The following TENM3 variants were observed in gnomAD, a reference collection of about 807,000 sequenced individuals.
TENM3 encodes teneurin-3.
A neutral mutation model predicts 255.1 loss-of-function variants in TENM3; 63 were observed. The observed-to-expected ratio is 0.25, with a 90% CI of 0.20 to 0.30. The LOEUF is 0.30. Among genes scored for constraint, TENM3 ranks in the 10% least tolerant of loss-of-function variants. TENM3 has a pLI of 1.00. For synonymous variants in TENM3, 1,306 were observed against 1,322.3 expected, an observed-to-expected ratio of 0.99 and a Z score of 0.27; for missense variants, 2,929 against 3,461.1, an observed-to-expected ratio of 0.85 and a Z score of 3.86.
chr4:181,766,389 A>C, the TENM3 span, among the ~76,000 whole-genome samples: 7 of 151,982 alleles, frequency 4.6e-5, no homozygotes, highest in African/African-American at 1.7e-4. Context: ...GTAGGGGCTT[A>C]AGTAACTCCG....
intron 2 of TENM3, among the ~76,000 whole-genome samples, chr4:182,329,454 A>G (rs1284429783): frequency 6.6e-6 from 1 of 152,150 alleles, no homozygotes; most frequent in Non-Finnish European, 1.5e-5. Context: ...AAGAAAACCA[A>G]ATAGTAGAGA....
At chr4:181,826,267 T>A in the TENM3 span, among the ~76,000 whole-genome samples, 1 of 151,964 alleles carries the variant, frequency 6.6e-6, no homozygotes, top group African/African-American at 2.4e-5. Flanking sequence ...TAAAAAAAAA[T>A]AAGCCGGAGA....
chr4:181,763,583 A>C, the TENM3 span, among the ~76,000 whole-genome samples: 13 of 152,320 alleles, frequency 8.5e-5, no homozygotes, highest in South Asian at 2.7e-3. Context: ...TTTGTATTGC[A>C]ACAGAACCAC....
chr4:182,174,389 CA>C (rs34627421), intron 1 of TENM3, among the ~76,000 whole-genome samples: 14,577 of 110,324 alleles, frequency 0.13, 935 homozygotes, highest in Admixed American at 0.26. Context: ...TATGTGGCTG[CA>C]AAAAAAAAAA....
chr4:182,636,994 G>T (rs1177682944), intron 5 of TENM3, among the ~76,000 whole-genome samples: 1 of 152,112 alleles, frequency 6.6e-6, no homozygotes, highest in Non-Finnish European at 1.5e-5. Flanking sequence ...CCACTTTACT[G>T]CTACGTTGCA....
At chr4:182,436,023 TAC>T (rs2151221027) in intron 3 of TENM3, among the ~76,000 whole-genome samples, 1 of 152,246 alleles carries the variant, frequency 6.6e-6, no homozygotes, top group Non-Finnish European at 1.5e-5. Context: ...TTTTACTAGA[TAC>T]AGTGATATTA....
intron 5 of TENM3, among the ~76,000 whole-genome samples, chr4:182,631,116 C>T (rs1228676215): frequency 5.9e-5 from 9 of 151,944 alleles, no homozygotes; most frequent in Non-Finnish European, 1.0e-4. Flanking sequence ...AATTACCAAT[C>T]TGCTTTATTC....
At chr4:181,542,713 A>G in the TENM3 span, among the ~76,000 whole-genome samples, 7 of 152,350 alleles carry the variant, frequency 4.6e-5, no homozygotes, top group African/African-American at 1.7e-4. Flanking sequence ...TAGTCCAATA[A>G]CAGCAGAAGA....
At chr4:181,829,643 C>T in the TENM3 span, among the ~76,000 whole-genome samples, 4 of 152,160 alleles carry the variant, frequency 2.6e-5, no homozygotes, top group South Asian at 4.1e-4. Context: ...AGGCTCCAGG[C>T]GAGGTAGGGA....
At chr4:181,865,742 G>C in the TENM3 span, among the ~76,000 whole-genome samples, 1 of 152,084 alleles carries the variant, frequency 6.6e-6, no homozygotes, top group Non-Finnish European at 1.5e-5. Flanking sequence ...ATATGATACA[G>C]GTCCATAGGT....
At chr4:182,549,522 G>A (rs1286959617) in intron 3 of TENM3, among the ~76,000 whole-genome samples, 3 of 152,186 alleles carry the variant, frequency 2.0e-5, no homozygotes, top group Admixed American at 1.3e-4. Flanking sequence ...TGTTCTTGTA[G>A]AGAGTTGGAA....
the TENM3 span, among the ~76,000 whole-genome samples, chr4:181,878,036 A>G: frequency 6.6e-6 from 1 of 152,160 alleles, no homozygotes; most frequent in Admixed American, 6.5e-5. Flanking sequence ...GACACCTGAC[A>G]TAAGGGCTGT....
intron 12 of TENM3, among the ~76,000 whole-genome samples, chr4:182,711,831 TCTAGAACCAGAAACTGAAGATAATGG>T (rs1165267046): frequency 6.6e-6 from 1 of 152,176 alleles, no homozygotes; most frequent in Non-Finnish European, 1.5e-5. Flanking sequence ...GTTAGTTTTC[TCTAGAACCAGAAACTGAAGATAATGG>T]TACATTTGCT....
intron 3 of TENM3, among the ~76,000 whole-genome samples, chr4:182,419,679 A>T (rs563475708): frequency 6.6e-6 from 1 of 152,226 alleles, no homozygotes; most frequent in Non-Finnish European, 1.5e-5. Flanking sequence ...ACCATGGAAT[A>T]CTATGTAGCC....
chr4:182,236,085 C>T (rs1002376114), intron 1 of TENM3, among the ~76,000 whole-genome samples: 9 of 152,174 alleles, frequency 5.9e-5, no homozygotes, highest in African/African-American at 1.9e-4. Context: ...AAGGAAGAAA[C>T]GGGAGCAGAG....
At chr4:181,662,588 A>T in the TENM3 span, among the ~76,000 whole-genome samples, 3 of 152,284 alleles carry the variant, frequency 2.0e-5, no homozygotes, top group African/African-American at 4.8e-5. Flanking sequence ...CTATTCTCCC[A>T]TTAGGACATT....
chr4:181,863,109 C>T, the TENM3 span, among the ~76,000 whole-genome samples: 1 of 152,086 alleles, frequency 6.6e-6, no homozygotes, highest in South Asian at 2.1e-4. Context: ...TAAGTGCTAC[C>T]TTAACCCTAA....
the TENM3 span, among the ~76,000 whole-genome samples, chr4:181,869,189 CATCTT>C: frequency 6.6e-6 from 1 of 152,054 alleles, no homozygotes; most frequent in Non-Finnish European, 1.5e-5. Flanking sequence ...TATTTTATCT[CATCTT>C]ATCTATTATA....
At chr4:182,124,359 C>T in the TENM3 span, among the ~76,000 whole-genome samples, 2 of 152,130 alleles carry the variant, frequency 1.3e-5, no homozygotes, top group African/African-American at 4.8e-5. Flanking sequence ...GCTGAAACTA[C>T]CCGTTTACAC....
Sources: gnomAD v4.1 joint callset for allele counts (sites outside exome capture counted in the v4.1 genomes callset) on GRCh38, gnomAD v4.1.1 for gene constraint, MANE v1.5 for transcripts, NCBI Gene and HGNC (gene_info 2026-07-23, HGNC 2026-07-21) for gene names.